The following BRAF variants were observed in gnomAD, a reference collection of about 807,000 sequenced individuals.
BRAF encodes B-Raf proto-oncogene, serine/threonine kinase, also known as serine/threonine-protein kinase B-raf.
Under a neutral mutation model 104.6 loss-of-function variants are expected in BRAF, and 16 were observed. The ratio of observed to expected loss-of-function variants is 0.15; its 90% CI spans 0.10 to 0.23. The LOEUF is 0.23. Ranked by LOEUF, BRAF falls within the 10% of genes least tolerant of loss-of-function variation. BRAF has a pLI of 1.00. For missense variants in BRAF, 541 were observed against 937.3 expected, an observed-to-expected ratio of 0.58 and a Z score of 5.52; for synonymous variants, 310 against 341.6, an observed-to-expected ratio of 0.91 and a Z score of 1.02.
intron 14 of BRAF, among the ~76,000 whole-genome samples, chr7:140,765,244 A>C (rs1382398539): frequency 6.6e-6 from 1 of 152,232 alleles, no homozygotes; most frequent in Non-Finnish European, 1.5e-5. Context: ...CTGGCTAGCC[A>C]TATGTAGAAA....
chr7:140,753,319 C>T lies in BRAF; in HGVS notation c.1936G>A (p.Gly646Arg). Residue 646 changes from glycine to arginine, a missense_variant, in exon 16 of 20, where the codon GGG becomes AGG. Around this residue, in one of 10 missense-constraint regions of BRAF, gnomAD observed 129 missense variants for 285.8 expected, o/e 0.45. Transcript: ENST00000644969. ...GLATVKSRWSGSHQFEQLSGS... is the reference protein window; with the variant it reads ...GLATVKSRWSRSHQFEQLSGS... ...GACAACTGTTCAAACTGATGGGACC[C>T]ACTCCATCGAGATTTCACTGTAGCT... 2 of 1,612,706 alleles carry T rather than the reference C, an allele frequency of 1.2e-6. No individual in the cohort carries two copies. Among genetic ancestry groups the T allele is most frequent in the East Asian group, 2.2e-5 (1 of 44,778 alleles).
At position 140,837,889 on chromosome 7, in the gene BRAF, A is replaced by C. The variant is rs180743695; in HGVS notation, c.241-3017T>G. On this transcript the variant is annotated intron_variant, in intron 2 of 19. Transcript: ENST00000644969. ...CTTCTTTATCTACAAAATTCTCCACATCTTTCCCCATTCTTCTTCTACTCT... is the reference window on the plus strand; with the variant it reads ...CTTCTTTATCTACAAAATTCTCCACCTCTTTCCCCATTCTTCTTCTACTCT... Among the ~76,000 whole-genome samples the C allele has an allele frequency of 6.6e-5, 10 of 152,300 alleles. No homozygotes were observed. In the East Asian group the frequency reaches 1.7e-3, roughly 26 times the overall value.
chr7:140,776,933 C>T lies in BRAF; in HGVS notation c.1793G>A (p.Arg598Gln), dbSNP rs1278812236. ...TTACTCCATGCCCTGTGCAGTCTGT[C>T]GTGCAATATCTATAAGTTTGATCAT... is the stretch of plus-strand genomic sequence containing the variant. ...FEMIKLIDIA[R>Q]QTAQGMDYLH... is the part of the protein sequence containing the mutation. Residue 598 changes from arginine (R) to glutamine (Q), a missense_variant, in exon 14 of 20, where the codon CGA becomes CAA. Arg to Gln is a conservative substitution (Grantham distance 43). Around this residue, in one of 10 missense-constraint regions of BRAF, gnomAD observed 129 missense variants for 285.8 expected, o/e 0.45. Coordinates refer to ENST00000644969, the MANE Select transcript of BRAF (RefSeq NM_001374258.1). 2.5e-6 allele frequency: 4 copies of T among 1,613,016 alleles called. No individual in the cohort carries two copies. Among genetic ancestry groups the T allele is most frequent in the Non-Finnish European group, 3.4e-6 (4 of 1,179,768 alleles).
intron 1 of BRAF, among the ~76,000 whole-genome samples, chr7:140,872,545 G>A (rs1041918757): frequency 1.1e-4 from 16 of 152,182 alleles, no homozygotes; most frequent in Middle Eastern, 6.8e-3. Context: ...CAGAACCAAA[G>A]TTCCTTTTTT....
chr7:140,815,166 C>G (rs1164045347), intron 3 of BRAF, among the ~76,000 whole-genome samples: 1 of 146,100 alleles, frequency 6.8e-6, no homozygotes, highest in Non-Finnish European at 1.5e-5. Context: ...GAGACAGAGT[C>G]TCGCTCTGTC....
chr7:140,745,722 C>A (rs971578283), intron 17 of BRAF, among the ~76,000 whole-genome samples: 7 of 152,094 alleles, frequency 4.6e-5, no homozygotes, highest in African/African-American at 1.4e-4. Context: ...GAGAGCAGAG[C>A]CTGGGTTTTG....
At chr7:140,798,315 T>G (rs1244632254) in intron 7 of BRAF, among the ~76,000 whole-genome samples, 1 of 119,368 alleles carries the variant, frequency 8.4e-6, no homozygotes, top group Non-Finnish European at 1.6e-5. Flanking sequence ...CAGGCTGGAA[T>G]GCAGTGACGT....
intron 1 of BRAF, among the ~76,000 whole-genome samples, chr7:140,867,970 C>T (rs1003475965): frequency 6.6e-6 from 1 of 152,114 alleles, no homozygotes; most frequent in Non-Finnish European, 1.5e-5. Context: ...CAAGTCTTGT[C>T]CTCTTGTACA....
rs923739321 is a variant in BRAF, at chr7:140,783,155, A to G, written c.1300T>C (p.Ser434Pro). Residue 434 changes from serine to proline, a missense_variant and splice_region_variant, in exon 11 of 20, where the codon TCA becomes CCA. Transcript: ENST00000644969. Reference sequence around the variant, plus strand: ...GGGGTAGCAGACAAACCTGTGGTTGATCCTAAATTAGTGAAAAGAAAAATG... The same window carrying G: ...GGGGTAGCAGACAAACCTGTGGTTGGTCCTAAATTAGTGAAAAGAAAAATG... ...DFEPGPVFRG[S>P]TTGLSATPPA... 13 of 1,613,902 alleles carry G rather than the reference A, an allele frequency of 8.1e-6. No individual in the cohort carries two copies. The highest frequency in any genetic ancestry group is 1.1e-5 in the Non-Finnish European group (13 of 1,179,952).
intron 3 of BRAF, among the ~76,000 whole-genome samples, chr7:140,832,908 C>G (rs2129061086): frequency 6.8e-6 from 1 of 147,476 alleles, no homozygotes; most frequent in Non-Finnish European, 1.5e-5. Context: ...GAGTCTCGCT[C>G]TGTTGCCCAG....
chr7:140,882,396 G>A (rs1813027179), intron 1 of BRAF, among the ~76,000 whole-genome samples: 1 of 135,010 alleles, frequency 7.4e-6, no homozygotes, highest in Admixed American at 7.6e-5. Flanking sequence ...TTTTTTGTGA[G>A]ATGGAGTCTT....
At position 140,734,669 on chromosome 7, in the gene BRAF, A is replaced by G. The variant is rs397516901; in HGVS notation, c.2349T>C (p.Phe783=). The G allele has an allele frequency of 1.3e-5, 21 of 1,613,754 alleles. No individual in the cohort carries two copies. Among genetic ancestry groups the G allele is most frequent in the East Asian group, 1.1e-4 (5 of 44,888 alleles). The change falls in exon 19 of 20, where the codon TTT becomes TTC. Residue 783 remains phenylalanine, a synonymous_variant. Transcript: ENST00000644969. The stretch of plus-strand genomic sequence containing the variant: ...TTGGAGAAGCACAAGCATATAGACT[A>G]AAATCCTCTGTTTGGAAACCAGCCC... The part of the protein sequence containing the change: ...LNRAGFQTED[F]SLYACASPKT...
At chr7:140,917,023 T>G (rs1817702078) in intron 1 of BRAF, among the ~76,000 whole-genome samples, 1 of 152,214 alleles carries the variant, frequency 6.6e-6, no homozygotes, top group Non-Finnish European at 1.5e-5. Flanking sequence ...GCCAAGGTGA[T>G]TCAAAAGAAA....
chr7:140,794,064 T>C (rs113891069), intron 8 of BRAF, among the ~76,000 whole-genome samples: 4 of 152,344 alleles, frequency 2.6e-5, no homozygotes, highest in African/African-American at 9.6e-5. Flanking sequence ...ATGACTTTTA[T>C]AGAGATGGTA....
chr7:140,773,470 T>C (rs1800036867), intron 14 of BRAF: 1 of 152,120 alleles, frequency 6.6e-6, no homozygotes, highest in Non-Finnish European at 1.5e-5. Flanking sequence ...AAGAGAGGGC[T>C]GGGGAAATCT....
chr7:140,846,697 A>AT (rs979546481), intron 2 of BRAF, among the ~76,000 whole-genome samples: 8 of 152,204 alleles, frequency 5.3e-5, no homozygotes, highest in African/African-American at 1.9e-4. Context: ...TTTTACCCCA[A>AT]TAAAAAAAAA....
chr7:140,786,670 T>C (rs1190895598), intron 9 of BRAF, among the ~76,000 whole-genome samples: 1 of 152,178 alleles, frequency 6.6e-6, no homozygotes, highest in East Asian at 1.9e-4. Context: ...GGCTTTGCCA[T>C]TATGGGTCTG....
At chr7:140,825,987 A>G (rs1266405532) in intron 3 of BRAF, among the ~76,000 whole-genome samples, 2 of 151,952 alleles carry the variant, frequency 1.3e-5, no homozygotes, top group African/African-American at 2.4e-5. Flanking sequence ...ATTTATTTCT[A>G]TTCTTACCTT....
At chr7:140,869,808 A>G (rs995723143) in intron 1 of BRAF, among the ~76,000 whole-genome samples, 2 of 152,230 alleles carry the variant, frequency 1.3e-5, no homozygotes, top group East Asian at 3.8e-4. Context: ...ACTTTAAAAT[A>G]CCTTCAGAAA....
Sources: gnomAD v4.1 joint callset for allele counts (sites outside exome capture counted in the v4.1 genomes callset) on GRCh38, gnomAD v4.1.1 for gene constraint, gnomAD v4.1.1 regional missense constraint, MANE v1.5 for transcripts, NCBI Gene and HGNC (gene_info 2026-07-23, HGNC 2026-07-21) for gene names.